RALYL: variants seen among roughly 807,000 people sequenced by gnomAD.
The protein encoded by RALYL is RNA-binding Raly-like protein.
A neutral mutation model predicts 35.1 loss-of-function variants in RALYL; 29 were observed. That is an observed-to-expected ratio of 0.83 (90% CI 0.61 to 1.13). RALYL has a LOEUF of 1.13. Among genes scored for constraint, RALYL ranks in the 50% most tolerant of loss-of-function variants. RALYL has a pLI of 0.00. For missense variants in RALYL, 359 were observed against 360.4 expected (o/e 1.00, Z 0.03); for synonymous variants, 120 against 127.6 (o/e 0.94, Z 0.40).
intron 1 of RALYL, among the ~76,000 whole-genome samples, chr8:84,303,778 TC>T (rs1841259307): frequency 6.6e-6 from 1 of 152,204 alleles, no homozygotes; most frequent in Non-Finnish European, 1.5e-5. Flanking sequence ...GGGAAATATA[TC>T]ACATGCATGC....
At chr8:84,902,474 A>G (rs1202049442) in intron 8 of RALYL, among the ~76,000 whole-genome samples, 1 of 152,182 alleles carries the variant, frequency 6.6e-6, no homozygotes, top group African/African-American at 2.4e-5. Context: ...GACGGGGAAC[A>G]CATATTCAAG....
intron 5 of RALYL, among the ~76,000 whole-genome samples, chr8:84,860,889 C>T (rs374376012): frequency 6.9e-4 from 105 of 152,160 alleles, no homozygotes; most frequent in African/African-American, 2.4e-3. Context: ...GTGCTTTTTG[C>T]GCTTCCCTCA....
At chr8:84,470,175 GC>G (rs1471655254) in intron 1 of RALYL, among the ~76,000 whole-genome samples, 8 of 152,080 alleles carry the variant, frequency 5.3e-5, no homozygotes, top group Non-Finnish European at 7.4e-5. Flanking sequence ...TCCAAAACAA[GC>G]TTTTTTATAA....
chr8:84,345,971 C>A, intron 1 of RALYL: 2 of 564,614 alleles, frequency 3.5e-6, no homozygotes, highest in Non-Finnish European at 2.2e-6. Context: ...TTCACTCAAC[C>A]CTCCAATCCT....
At chr8:84,690,399 T>C (rs1201283910) in intron 2 of RALYL, among the ~76,000 whole-genome samples, 3 of 152,060 alleles carry the variant, frequency 2.0e-5, no homozygotes, top group Non-Finnish European at 4.4e-5. Context: ...TTGGAAGATA[T>C]TGGTCAAAGA....
At chr8:84,880,043 TG>T (rs1392591323) in intron 7 of RALYL, among the ~76,000 whole-genome samples, 1 of 152,084 alleles carries the variant, frequency 6.6e-6, no homozygotes, top group African/African-American at 2.4e-5. Context: ...GGAAAAGTAT[TG>T]GGGGATGTTG....
chr8:84,742,598 G>A (rs1478394601), intron 2 of RALYL, among the ~76,000 whole-genome samples: 1 of 152,002 alleles, frequency 6.6e-6, no homozygotes, highest in Non-Finnish European at 1.5e-5. Flanking sequence ...GACTCCAGAA[G>A]GAGTAAGCAA....
chr8:84,625,168 C>T (rs747895481), intron 2 of RALYL, among the ~76,000 whole-genome samples: 12 of 152,134 alleles, frequency 7.9e-5, no homozygotes, highest in Non-Finnish European at 1.3e-4. Flanking sequence ...GGTTCAATTT[C>T]ACAGTCCTTA....
intron 6 of RALYL, 54 bp from the exon 7 acceptor site, chr8:84,873,230 G>A: frequency 3.1e-6 from 3 of 956,352 alleles, no homozygotes; most frequent in Non-Finnish European, 3.3e-6. Flanking sequence ...GGTCCTAGGT[G>A]AGTTATGGTG....
intron 2 of RALYL, among the ~76,000 whole-genome samples, chr8:84,661,129 C>G (rs1164290255): frequency 6.6e-6 from 1 of 151,910 alleles, no homozygotes; most frequent in Admixed American, 6.6e-5. Context: ...GGGGTTTCAC[C>G]GTGTTAGCCA....
At chr8:84,611,810 G>T (rs369399568) in intron 2 of RALYL, among the ~76,000 whole-genome samples, 7 of 151,972 alleles carry the variant, frequency 4.6e-5, no homozygotes, top group African/African-American at 1.7e-4. Context: ...TAGTAATGTT[G>T]TAATATTTGG....
intron 1 of RALYL, among the ~76,000 whole-genome samples, chr8:84,243,847 A>T (rs990318874): frequency 6.6e-6 from 1 of 152,146 alleles, no homozygotes; most frequent in Non-Finnish European, 1.5e-5. Context: ...GGAATCTTGC[A>T]CTATAAGTTA....
intron 3 of RALYL, among the ~76,000 whole-genome samples, chr8:84,787,864 G>T (rs895035974): frequency 6.6e-6 from 1 of 151,994 alleles, no homozygotes; most frequent in South Asian, 2.1e-4. Context: ...CTTTTTGATG[G>T]GGTTGTTTTT....
intron 5 of RALYL, among the ~76,000 whole-genome samples, chr8:84,857,263 G>A (rs1262523150): frequency 1.3e-5 from 2 of 152,010 alleles, no homozygotes; most frequent in African/African-American, 4.8e-5. Context: ...TGAGAATATG[G>A]CCCTGAATTT....
chr8:84,609,012 AAAG>A (rs377054026), intron 2 of RALYL, among the ~76,000 whole-genome samples: 150 of 152,250 alleles, frequency 9.9e-4, no homozygotes, highest in African/African-American at 3.3e-3. Context: ...CAGCTAGTGC[AAAG>A]AAGAAGTTGC....
At chr8:84,316,872 C>T (rs1843858944) in intron 1 of RALYL, among the ~76,000 whole-genome samples, 1 of 152,178 alleles carries the variant, frequency 6.6e-6, no homozygotes, top group South Asian at 2.1e-4. Context: ...TAGAGAGCTA[C>T]TGCTTCTTTT....
At chr8:84,266,876 C>T (rs1378336634) in intron 1 of RALYL, among the ~76,000 whole-genome samples, 1 of 147,854 alleles carries the variant, frequency 6.8e-6, no homozygotes, top group Non-Finnish European at 1.5e-5. Flanking sequence ...AGGAGAATGG[C>T]GTGAACCCGG....
chr8:84,626,104 G>A (rs967067171), intron 2 of RALYL, among the ~76,000 whole-genome samples: 7 of 152,186 alleles, frequency 4.6e-5, no homozygotes, highest in African/African-American at 1.7e-4. Context: ...TTTGTATACA[G>A]GAGTATGTGA....
intron 2 of RALYL, among the ~76,000 whole-genome samples, chr8:84,534,346 T>C (rs2059462085): frequency 6.6e-6 from 1 of 152,232 alleles, no homozygotes; most frequent in Admixed American, 6.5e-5. Flanking sequence ...GAAATTTCAG[T>C]ACTTTAGTGA....
Sources: gnomAD v4.1 joint callset for allele counts (sites outside exome capture counted in the v4.1 genomes callset) on GRCh38, gnomAD v4.1.1 for gene constraint, MANE v1.5 for transcripts, NCBI Gene and HGNC (gene_info 2026-07-23, HGNC 2026-07-21) for gene names.